Variants in DIAPH3 observed in about 807,000 individuals in gnomAD.
DIAPH3 encodes diaphanous related formin 3.
In DIAPH3, 117 loss-of-function variants were observed where a neutral mutation model predicts 144.3. The observed-to-expected ratio is 0.81, with a 90% CI of 0.70 to 0.95. DIAPH3 has a LOEUF of 0.95. Ranked by LOEUF, DIAPH3 falls within the 40% of genes least tolerant of loss-of-function variation. The pLI is 0.00. For synonymous variants in DIAPH3, 519 were observed against 488.9 expected, an observed-to-expected ratio of 1.06 and a Z score of -0.81; for missense variants, 1,421 against 1,412.7, an observed-to-expected ratio of 1.01 and a Z score of -0.09.
chr13:59,775,253 T>C (rs1004711333), intron 25 of DIAPH3, among the ~76,000 whole-genome samples: 1 of 151,846 alleles, frequency 6.6e-6, no homozygotes, highest in Non-Finnish European at 1.5e-5. Flanking sequence ...TTGTTTTTTG[T>C]TTTTTTTGAG....
intron 1 of DIAPH3, among the ~76,000 whole-genome samples, chr13:60,138,778 A>G (rs867038516): frequency 0.27 from 27,929 of 105,286 alleles, 4,640 homozygotes; most frequent in African/African-American, 0.3. Flanking sequence ...AAGGAGAAGG[A>G]GAAGAAGGGG....
intron 14 of DIAPH3, among the ~76,000 whole-genome samples, chr13:59,976,356 T>C (rs900455503): frequency 6.6e-6 from 1 of 151,974 alleles, no homozygotes; most frequent in African/African-American, 2.4e-5. Flanking sequence ...CAAATGATTA[T>C]GTAAATGTAA....
At chr13:60,054,045 C>T (rs534469179) in intron 4 of DIAPH3, among the ~76,000 whole-genome samples, 29 of 152,138 alleles carry the variant, frequency 1.9e-4, no homozygotes, top group African/African-American at 6.7e-4. Flanking sequence ...TTAAACACTA[C>T]TCCAATCACT....
intron 21 of DIAPH3, among the ~76,000 whole-genome samples, chr13:59,875,102 T>A (rs2044531518): frequency 6.6e-6 from 1 of 152,202 alleles, no homozygotes; most frequent in Admixed American, 6.5e-5. Context: ...GAAACATCTT[T>A]GATACTAACC....
At chr13:59,976,004 T>G (rs1005865421) in intron 14 of DIAPH3, among the ~76,000 whole-genome samples, 10 of 151,962 alleles carry the variant, frequency 6.6e-5, no homozygotes, top group Non-Finnish European at 1.5e-4. Context: ...CACCCAGTGC[T>G]TCCCCCTAAG....
intron 1 of DIAPH3, among the ~76,000 whole-genome samples, chr13:60,162,177 A>G (rs1952323108): frequency 6.6e-6 from 1 of 152,210 alleles, no homozygotes; most frequent in African/African-American, 2.4e-5. Context: ...TGTGACATAC[A>G]TAAGAATGAA....
At chr13:59,676,157 C>T (rs923306373) in intron 27 of DIAPH3, among the ~76,000 whole-genome samples, 2 of 152,162 alleles carry the variant, frequency 1.3e-5, no homozygotes, top group African/African-American at 4.8e-5. Context: ...AATGGAAAGA[C>T]CCCTTGTTAC....
intron 21 of DIAPH3, among the ~76,000 whole-genome samples, chr13:59,871,586 T>G (rs1209493191): frequency 6.6e-6 from 1 of 152,206 alleles, no homozygotes; most frequent in Non-Finnish European, 1.5e-5. Flanking sequence ...TAGATTACAT[T>G]AATGGATTTT....
intron 9 of DIAPH3, among the ~76,000 whole-genome samples, chr13:59,994,926 G>T (rs2052095933): frequency 1.3e-5 from 2 of 151,720 alleles, no homozygotes; most frequent in African/African-American, 4.8e-5. Context: ...AATAACAGAG[G>T]CAATAGATTC....
In DIAPH3 at chr13:60,016,257, A is replaced by G. The variant is rs560863271; in HGVS notation, c.627-112T>C. 2.2e-5 allele frequency: 21 copies of G among 960,286 alleles called. 1 individual carries two copies. In the Middle Eastern group the frequency reaches 1.6e-3, roughly 74 times the overall value. 59.5% of individuals were successfully genotyped at this position (960,286 alleles called of 1,614,324 possible). ...CTATATTCCTAATCGTAACTAAAAC[A>G]TAAGAATAACACCATATATAAAAAT... On this transcript the variant is annotated intron_variant, in intron 5 of 27. Transcript: ENST00000400324.
intron 27 of DIAPH3, among the ~76,000 whole-genome samples, chr13:59,690,216 C>T (rs1365584732): frequency 1.3e-5 from 2 of 152,082 alleles, no homozygotes; most frequent in Admixed American, 6.6e-5. Flanking sequence ...TGCCATGATA[C>T]ACTGCATTTT....
In DIAPH3 at chr13:59,994,556, C is replaced by T. The variant is rs527369687; in HGVS notation, c.1015-1973G>A. Among the ~76,000 whole-genome samples, 3 of 151,952 alleles carry T rather than the reference C, an allele frequency of 2.0e-5. No homozygotes were observed. The East Asian group carries it at 5.8e-4, about 30-fold the overall frequency. ...ATATCAGTAAAATGATAAAAATATA[C>T]TATATACTGTAAGAAATATGTTTGG... On this transcript the variant is annotated intron_variant, in intron 9 of 27. Transcript: ENST00000400324.
intron 17 of DIAPH3, among the ~76,000 whole-genome samples, chr13:59,933,514 A>G (rs1411009874): frequency 1.3e-5 from 2 of 152,212 alleles, no homozygotes; most frequent in Non-Finnish European, 2.9e-5. Flanking sequence ...ACTTACTCTG[A>G]AAGACTAGAT....
At chr13:60,084,727 T>C (rs1400530649) in intron 4 of DIAPH3, among the ~76,000 whole-genome samples, 2 of 152,120 alleles carry the variant, frequency 1.3e-5, no homozygotes, top group African/African-American at 4.8e-5. Flanking sequence ...GGACAGATCC[T>C]TAATTTACTT....
intron 27 of DIAPH3, among the ~76,000 whole-genome samples, chr13:59,755,155 T>G (rs530759496): frequency 5.3e-4 from 81 of 152,296 alleles, no homozygotes; most frequent in African/African-American, 1.9e-3. Context: ...TGGTGTCAGA[T>G]TCAGTACTTA....
intron 22 of DIAPH3, among the ~76,000 whole-genome samples, chr13:59,843,593 CA>C (rs1280189773): frequency 2.0e-5 from 3 of 152,170 alleles, no homozygotes; most frequent in Non-Finnish European, 4.4e-5. Flanking sequence ...AAAGAGTAAG[CA>C]AGCTATCTTC....
chr13:59,734,659 T>C (rs1370421750), intron 27 of DIAPH3, among the ~76,000 whole-genome samples: 1 of 152,152 alleles, frequency 6.6e-6, no homozygotes, highest in African/African-American at 2.4e-5. Flanking sequence ...ACCTGTCTGC[T>C]TTCAGTTCTC....
At chr13:59,789,127 G>T (rs2039195386) in intron 25 of DIAPH3, among the ~76,000 whole-genome samples, 1 of 152,180 alleles carries the variant, frequency 6.6e-6, no homozygotes, top group African/African-American at 2.4e-5. Context: ...AGCACAGAAT[G>T]TCGGCGGGTG....
chr13:59,981,794 T>A (rs558408511), intron 13 of DIAPH3, among the ~76,000 whole-genome samples: 3 of 151,476 alleles, frequency 2.0e-5, no homozygotes, highest in African/African-American at 7.3e-5. Flanking sequence ...CTATACTAGA[T>A]TATTTTGGTG....
Sources: gnomAD v4.1 joint callset for allele counts (sites outside exome capture counted in the v4.1 genomes callset) on GRCh38, gnomAD v4.1.1 for gene constraint, MANE v1.5 for transcripts, NCBI Gene and HGNC (gene_info 2026-07-23, HGNC 2026-07-21) for gene names.